The following NFATC4 variants were observed in gnomAD, a reference collection of about 807,000 sequenced individuals.
NFATC4 encodes the protein nuclear factor of activated T-cells, cytoplasmic 4.
In NFATC4, 25 loss-of-function variants were observed where a neutral mutation model predicts 73.4. The ratio of observed to expected loss-of-function variants is 0.34; its 90% CI spans 0.25 to 0.48. NFATC4 has a LOEUF of 0.48. Ranked by LOEUF, NFATC4 falls within the 20% of genes least tolerant of loss-of-function variation. The pLI, the probability that NFATC4 is intolerant of heterozygous loss-of-function variation, is 0.99. For synonymous variants in NFATC4, 523 were observed against 510.3 expected, an observed-to-expected ratio of 1.02 and a Z score of -0.34; for missense variants, 1,130 against 1,203.7, an observed-to-expected ratio of 0.94 and a Z score of 0.91.
intron 6 of NFATC4, 55 bp from the exon 7 acceptor site, chr14:24,375,605 G>C (rs2042590790): frequency 6.5e-7 from 1 of 1,540,440 alleles, no homozygotes; most frequent in East Asian, 2.4e-5. Flanking sequence ...AGAGAACTAG[G>C]GCAGGGGACA....
rs925617581 is a variant in NFATC4 at position 24,369,929 on chromosome 14, C to T, written c.531C>T (p.Ser177=). Residue 177 remains serine, a synonymous_variant, in exon 2 of 10, where the codon TCC becomes TCT. Transcript: ENST00000250373. ...CAAGCCCTGGCAGCAGCAGCCTGTC[C>T]TCGTGGAGCTTCTTCTCCGATGCCT... is the stretch of plus-strand genomic sequence containing the variant. The part of the protein sequence containing the change: ...FSPSPGSSSL[S]SWSFFSDASD... The T allele has an allele frequency of 1.9e-6, 3 of 1,612,908 alleles. No homozygotes were observed. The highest frequency in any genetic ancestry group is 2.5e-6 in the Non-Finnish European group (3 of 1,179,950).
At chr14:24,375,880 T>C in intron 7 of NFATC4, 95 bp from the exon 8 acceptor site, 2 of 1,576,450 alleles carry the variant, frequency 1.3e-6, no homozygotes, top group Non-Finnish European at 1.7e-6. Flanking sequence ...TCTTAGAAAA[T>C]GGAGAAGGCT....
At position 24,376,263 on chromosome 14, in the gene NFATC4, C is replaced by T. The variant is rs2139310369; in HGVS notation, c.2057-31C>T. On this transcript the variant is annotated intron_variant, in intron 8 of 9. Transcript: ENST00000250373. This position sits in a 1 kb window ranked among gnomAD's most constrained non-coding sequence, Gnocchi z 5.0. ...GTGGGGAGACTACCAGACCTCTCACCAGCATGTCCTCCCACTTCCTGTCTT... is the reference window on the plus strand; with the variant it reads ...GTGGGGAGACTACCAGACCTCTCACTAGCATGTCCTCCCACTTCCTGTCTT... 3.2e-6 allele frequency: 5 copies of T among 1,557,738 alleles called. No homozygotes were observed. The highest frequency in any genetic ancestry group is 4.3e-6 in the Non-Finnish European group (5 of 1,151,602).
At position 24,374,481 on chromosome 14, in the gene NFATC4, G is replaced by C; in HGVS notation, c.1873+15G>C. Reference sequence around the variant, plus strand: ...GAGGGGTCCTGGTGAGTACCTGCTGGGGAGGGGAGGGCAGGCAGGGAGAGC... The same window carrying C: ...GAGGGGTCCTGGTGAGTACCTGCTGCGGAGGGGAGGGCAGGCAGGGAGAGC... On this transcript the variant is annotated intron_variant, in intron 6 of 9. Coordinates refer to ENST00000250373, the MANE Select transcript of NFATC4 (RefSeq NM_004554.5). The C allele has an allele frequency of 6.3e-7, 1 of 1,598,778 alleles. No homozygotes were observed. Among genetic ancestry groups the C allele is most frequent in the Admixed American group, 1.7e-5 (1 of 58,856 alleles).
At chr14:24,374,029 C>T (rs930580275) in intron 5 of NFATC4, 162 bp downstream of exon 5, 11 of 1,096,498 alleles carry the variant, frequency 1.0e-5, no homozygotes, top group Middle Eastern at 1.9e-4. Flanking sequence ...GCCCCTGCCA[C>T]AGACTCTGTC....
Position 24,373,009 on chromosome 14 carries a change from A to G in NFATC4, c.1360-162A>G, listed in dbSNP as rs776949954. The G allele has an allele frequency of 3.9e-5, 28 of 722,718 alleles. No homozygotes were observed. Among genetic ancestry groups the G allele is most frequent in the Non-Finnish European group, 5.4e-5 (24 of 447,852 alleles). 44.8% of individuals were successfully genotyped at this position (722,718 alleles called of 1,614,324 possible). ...AGAAAAACACTGTGAACTCCAGGCCATGTTTTCTCCACAACGGGTGCCCAG... is the reference window on the plus strand; with the variant it reads ...AGAAAAACACTGTGAACTCCAGGCCGTGTTTTCTCCACAACGGGTGCCCAG... On this transcript the variant is annotated intron_variant, in intron 3 of 9. Coordinates refer to ENST00000250373, the MANE Select transcript of NFATC4 (RefSeq NM_004554.5). The surrounding 1 kb of genome is among the most constrained non-coding windows in gnomAD (Gnocchi z 4.7).
upstream of NFATC4, chr14:24,367,712 C>T (rs2042343961): frequency 6.6e-7 from 1 of 1,514,378 alleles, no homozygotes; most frequent in African/African-American, 1.4e-5. Context: ...CCACTCTGCC[C>T]CCAGGACCCT....
rs28365132 is a variant in NFATC4 at position 24,370,638 on chromosome 14, G to A, written c.1196+44G>A. 23 of 1,565,520 alleles carry A rather than the reference G, an allele frequency of 1.5e-5. No individual in the cohort carries two copies. In the African/African-American group the frequency reaches 2.8e-4, roughly 19 times the overall value. ...ACTACCGCTCTCTCTAGCCATTCCAGTAGGGGAGCAGGAGGGTCAAGGGAT... is the reference window on the plus strand; with the variant it reads ...ACTACCGCTCTCTCTAGCCATTCCAATAGGGGAGCAGGAGGGTCAAGGGAT... On this transcript the variant is annotated intron_variant, in intron 2 of 9. Coordinates refer to ENST00000250373, the MANE Select transcript of NFATC4 (RefSeq NM_004554.5).
chr14:24,375,012 T>G (rs2042573328), intron 6 of NFATC4, among the ~76,000 whole-genome samples: 1 of 152,200 alleles, frequency 6.6e-6, no homozygotes, highest in Non-Finnish European at 1.5e-5. Context: ...GGGAGTGCAG[T>G]GATGCTGCAA....
At chr14:24,374,125 G>A (rs2042548846) in intron 5 of NFATC4, 5 of 893,670 alleles carry the variant, frequency 5.6e-6, no homozygotes, top group South Asian at 1.4e-5. Flanking sequence ...GGTCTACCCT[G>A]TTTAACCCTC....
Position 24,368,516 on chromosome 14 carries a change from G to C in NFATC4, c.100+76G>C, listed in dbSNP as rs1009953045. On this transcript the variant is annotated intron_variant, in intron 1 of 9. Coordinates refer to ENST00000250373, the MANE Select transcript of NFATC4 (RefSeq NM_004554.5). ...GGATCCTGAGTCTGGGGAATTTAAGGCAGCGAGCCTAGGGTGGGGGGTGAG... is the reference window on the plus strand; with the variant it reads ...GGATCCTGAGTCTGGGGAATTTAAGCCAGCGAGCCTAGGGTGGGGGGTGAG... 9.0e-6 allele frequency: 11 copies of C among 1,225,640 alleles called. No individual in the cohort carries two copies. The African/African-American group carries it at 1.4e-4, about 16-fold the overall frequency. 75.9% of individuals were successfully genotyped at this position (1,225,640 alleles called of 1,614,324 possible).
rs1337773519 is a variant in NFATC4 at position 24,373,120 on chromosome 14, G to A, written c.1360-51G>A. The A allele has an allele frequency of 1.3e-6, 2 of 1,562,500 alleles. No homozygotes were observed. Among genetic ancestry groups the A allele is most frequent in the Non-Finnish European group, 1.8e-6 (2 of 1,136,052 alleles). On this transcript the variant is annotated intron_variant, in intron 3 of 9. Coordinates refer to ENST00000250373, the MANE Select transcript of NFATC4 (RefSeq NM_004554.5). This position sits in a 1 kb window ranked among gnomAD's most constrained non-coding sequence, Gnocchi z 4.7. ...GACTGAAAATCTAGGGATGAATAAA[G>A]GATGAGACGGTGGGGATTTCAATGA... is the stretch of plus-strand genomic sequence containing the variant.
At chr14:24,367,989 T>G, upstream of NFATC4, 1 of 1,137,510 alleles carries the variant, frequency 8.8e-7, no homozygotes, top group Non-Finnish European at 1.1e-6. Context: ...GTTTTCCAAT[T>G]CAGTTTTTTT....
At chr14:24,367,242 GGGGGGGCCAAGGA>G, upstream of NFATC4, 2 of 1,610,660 alleles carry the variant, frequency 1.2e-6, no homozygotes. Context: ...TGTTGGGGGC[GGGGGGGCCAAGGA>G]GGGGGAAGAG....
Position 24,372,585 on chromosome 14 carries a change from C to A in NFATC4, c.1341C>A (p.Gly447=). 6.2e-7 allele frequency: 1 copy of A among 1,614,022 alleles called. No homozygotes were observed. ...GSRGAVKAAP[G]GHPVVKLLGY... ...GTGGAGCTGTCAAAGCTGCCCCTGGCGGTCACCCCGTAGTCAAGGTAAAGG... is the reference window on the plus strand; with the variant it reads ...GTGGAGCTGTCAAAGCTGCCCCTGGAGGTCACCCCGTAGTCAAGGTAAAGG... Residue 447 remains glycine (G), a synonymous_variant, in exon 3 of 10, where the codon GGC becomes GGA. Coordinates refer to ENST00000250373, the MANE Select transcript of NFATC4 (RefSeq NM_004554.5).
rs2139310465 is a variant in NFATC4, at chr14:24,376,274, C to T, written c.2057-20C>T. 1.3e-6 allele frequency: 2 copies of T among 1,558,816 alleles called. No homozygotes were observed. Among genetic ancestry groups the T allele is most frequent in the Non-Finnish European group, 1.7e-6 (2 of 1,152,118 alleles). Reference sequence around the variant, plus strand: ...ACCAGACCTCTCACCAGCATGTCCTCCCACTTCCTGTCTTCCCAGTGATCT... The same window carrying T: ...ACCAGACCTCTCACCAGCATGTCCTTCCACTTCCTGTCTTCCCAGTGATCT... On this transcript the variant is annotated intron_variant, in intron 8 of 9. Transcript: ENST00000250373. This position sits in a 1 kb window ranked among gnomAD's most constrained non-coding sequence, Gnocchi z 5.0.
intron 1 of NFATC4, among the ~76,000 whole-genome samples, chr14:24,368,776 G>C (rs1227716615): frequency 6.6e-6 from 1 of 152,000 alleles, no homozygotes; most frequent in Non-Finnish European, 1.5e-5. Flanking sequence ...CGCTGGAGCT[G>C]GCCCCTGGCG....
Position 24,369,841 on chromosome 14 carries a change from C to G in NFATC4, c.443C>G (p.Pro148Arg), listed in dbSNP as rs775138757. The change falls in exon 2 of 10, where the codon CCA (proline) becomes CGA (arginine). Residue 148 changes from proline (P) to arginine (R), a missense_variant. By Grantham distance (103) the Pro-to-Arg change is moderately radical. Around this residue, in one of 3 missense-constraint regions of NFATC4, gnomAD observed 585 missense variants for 574.3 expected, o/e 1.02. Transcript: ENST00000250373. ...WGDGSPRDYP[P>R]PEGFGGYREA... ...GACGGCTCTCCTAGAGATTACCCCC[C>G]ACCAGAAGGCTTTGGGGGCTACAGA... is the stretch of plus-strand genomic sequence containing the variant. 6.2e-7 allele frequency: 1 copy of G among 1,606,628 alleles called. No individual in the cohort carries two copies. The highest frequency in any genetic ancestry group is 1.7e-5 in the Admixed American group (1 of 58,996).
At chr14:24,368,155 G>A, upstream of NFATC4, 1 of 1,246,008 alleles carries the variant, frequency 8.0e-7, no homozygotes, top group Non-Finnish European at 1.0e-6. Flanking sequence ...CTTTGAAGAA[G>A]TTTGGGGGAA....
Sources: gnomAD v4.1 joint callset for allele counts (sites outside exome capture counted in the v4.1 genomes callset) on GRCh38, gnomAD v4.1.1 for gene constraint, gnomAD v4.1.1 regional missense constraint, Gnocchi (gnomAD v3.1) non-coding constraint, MANE v1.5 for transcripts, NCBI Gene and HGNC (gene_info 2026-07-23, HGNC 2026-07-21) for gene names.